The following NR1I2 variants were observed in gnomAD, a reference collection of about 807,000 sequenced individuals.
NR1I2 encodes orphan nuclear receptor PAR1.
NR1I2 carries 42 observed loss-of-function variants against 43.3 expected under a neutral mutation model. That is an observed-to-expected ratio of 0.97 (90% CI 0.76 to 1.26). The LOEUF (loss-of-function observed/expected upper bound fraction) is 1.26, where lower values mean the gene tolerates loss of function less well. Ranked by LOEUF, NR1I2 falls within the 50% of genes most tolerant of loss-of-function variation. The pLI is 0.00. For synonymous variants in NR1I2, 229 were observed against 215.0 expected (o/e 1.06, Z -0.57); for missense variants, 559 against 566.7 (o/e 0.99, Z 0.14).
intron 1 of NR1I2, chr3:119,782,730 G>A: frequency 6.4e-7 from 1 of 1,551,170 alleles, no homozygotes; most frequent in South Asian, 1.1e-5. Flanking sequence ...GTTAGTGCTG[G>A]CAGCCCCCTG....
chr3:119,810,363 G>C, intron 3 of NR1I2, 169 bp downstream of exon 3: 1 of 1,002,608 alleles, frequency 1.0e-6, no homozygotes, highest in Middle Eastern at 3.3e-4. Context: ...CTGGGGGAGC[G>C]CTTGCAGTCG....
In NR1I2 at chr3:119,815,127, C is replaced by T. The variant is rs554988730; in HGVS notation, c.937+6C>T. ...CTGCTTGGAAGACACTGCAGGTGCCCGAGAGAGCCTGCCTGCCCTGGCAGA... is the reference window on the plus strand; with the variant it reads ...CTGCTTGGAAGACACTGCAGGTGCCTGAGAGAGCCTGCCTGCCCTGGCAGA... On this transcript the variant is annotated splice_donor_region_variant and intron_variant, in intron 6 of 8. Coordinates refer to ENST00000393716, the MANE Select transcript of NR1I2 (RefSeq NM_003889.4). 57 of 1,614,050 alleles carry T rather than the reference C, an allele frequency of 3.5e-5. No homozygotes were observed. In the Middle Eastern group the frequency reaches 6.6e-4, roughly 19 times the overall value.
At chr3:119,809,007 G>A (rs1257080937) in intron 2 of NR1I2, among the ~76,000 whole-genome samples, 3 of 152,158 alleles carry the variant, frequency 2.0e-5, no homozygotes, top group Non-Finnish European at 4.4e-5. Flanking sequence ...CTGGTCACTG[G>A]TCCGAGGCCC....
Position 119,804,404 on chromosome 3 carries a change from A to C in NR1I2, c.-22-2825A>C, listed in dbSNP as rs1293519281. On this transcript the variant is annotated intron_variant, in intron 1 of 8. Coordinates refer to ENST00000393716, the MANE Select transcript of NR1I2 (RefSeq NM_003889.4). ...AATATATATATACATATATATTTAC[A>C]TTTAATATATTTACATTTAACTACC... Among the ~76,000 whole-genome samples, 3 of 149,636 alleles carry C rather than the reference A, an allele frequency of 2.0e-5. No homozygotes were observed. In the East Asian group the frequency reaches 5.9e-4, roughly 29 times the overall value.
intron 7 of NR1I2, 66 bp from the exon 8 acceptor site, chr3:119,815,658 CCT>C: frequency 7.1e-7 from 1 of 1,400,114 alleles, no homozygotes; most frequent in Non-Finnish European, 1.0e-6. Flanking sequence ...CGAGCAATGC[CCT>C]GACTCTGGGC....
At chr3:119,798,639 C>CAAAAAAAAAAAAAAAA (rs142013482) in intron 1 of NR1I2, among the ~76,000 whole-genome samples, 1 of 121,644 alleles carries the variant, frequency 8.2e-6, no homozygotes. Context: ...GACTCCGTCT[C>CAAAAAAAAAAAAAAAA]AAAAAAAAAA....
chr3:119,818,161 C>T lies in NR1I2; in HGVS notation c.*949C>T. 1.0e-6 allele frequency: 1 copy of T among 985,718 alleles called. No homozygotes were observed. Among genetic ancestry groups the T allele is most frequent in the Non-Finnish European group, 1.2e-6 (1 of 830,046 alleles). 61.1% of individuals were successfully genotyped at this position (985,718 alleles called of 1,614,324 possible). A position where few individuals can be genotyped will look rare whatever the true frequency, so the allele number is the denominator to read the frequency against. ...GATTTGGTGTAGGTAGGTCTGTTTG[C>T]CACTTGATGGGGCCTGGGTTTGTTC... On this transcript the variant is annotated 3_prime_UTR_variant, in exon 9 of 9. Coordinates refer to ENST00000393716, the MANE Select transcript of NR1I2 (RefSeq NM_003889.4).
chr3:119,793,905 T>A (rs559560412), intron 1 of NR1I2, among the ~76,000 whole-genome samples: 1 of 152,354 alleles, frequency 6.6e-6, no homozygotes, highest in African/African-American at 2.4e-5. Context: ...TTCTGTGATG[T>A]TGTTACTTGT....
chr3:119,788,658 G>A lies in NR1I2; in HGVS notation c.-23+6358G>A, dbSNP rs138868450. ...TCACTGTATTGCCCAGACTTGTCTC[G>A]AACTCCTGGCCTCAAATGATCCTCC... On this transcript the variant is annotated intron_variant, in intron 1 of 8. Coordinates refer to ENST00000393716, the MANE Select transcript of NR1I2 (RefSeq NM_003889.4). 5.8e-3 allele frequency among the ~76,000 whole-genome samples: 876 copies of A among 151,098 alleles called. 13 individuals carry two copies. The highest frequency in any genetic ancestry group is 0.02 in the African/African-American group (831 of 41,040).
intron 2 of NR1I2, among the ~76,000 whole-genome samples, chr3:119,809,021 G>A (rs1158624378): frequency 6.6e-6 from 1 of 152,156 alleles, no homozygotes; most frequent in Non-Finnish European, 1.5e-5. Flanking sequence ...GAGGCCCGAG[G>A]CCTCCAAGCT....
At chr3:119,806,190 C>T (rs1329250402) in intron 1 of NR1I2, among the ~76,000 whole-genome samples, 1 of 152,218 alleles carries the variant, frequency 6.6e-6, no homozygotes, top group Non-Finnish European at 1.5e-5. Flanking sequence ...TCCCCCATTT[C>T]TACTGAACAT....
intron 1 of NR1I2, among the ~76,000 whole-genome samples, chr3:119,794,888 A>AAG (rs2054975375): frequency 6.6e-6 from 1 of 152,246 alleles, no homozygotes; most frequent in African/African-American, 2.4e-5. Context: ...GCAGTGTGCC[A>AAG]AGATCGTGCC....
At chr3:119,786,473 A>G (rs1007726537) in intron 1 of NR1I2, among the ~76,000 whole-genome samples, 4 of 152,242 alleles carry the variant, frequency 2.6e-5, no homozygotes, top group Admixed American at 1.3e-4. Flanking sequence ...CAAATCCCTC[A>G]TGTAATGTTT....
intron 1 of NR1I2, among the ~76,000 whole-genome samples, chr3:119,786,406 A>G (rs995067319): frequency 3.3e-5 from 5 of 152,228 alleles, no homozygotes; most frequent in Admixed American, 2.6e-4. Context: ...AACCTCTTTG[A>G]AACATCGATA....
At chr3:119,794,916 G>A (rs1052174141) in intron 1 of NR1I2, among the ~76,000 whole-genome samples, 1 of 152,206 alleles carries the variant, frequency 6.6e-6, no homozygotes, top group Non-Finnish European at 1.5e-5. Flanking sequence ...TCCAGCCTGA[G>A]TGACAAGATT....
intron 1 of NR1I2, among the ~76,000 whole-genome samples, 162 bp downstream of exon 1, chr3:119,782,462 A>G (rs1247223237): frequency 6.6e-6 from 1 of 151,336 alleles, no homozygotes; most frequent in Non-Finnish European, 1.5e-5. Context: ...CTAGGGTGGA[A>G]AAAAAAAAGC....
At chr3:119,803,243 G>A (rs973002611) in intron 1 of NR1I2, among the ~76,000 whole-genome samples, 8 of 151,718 alleles carry the variant, frequency 5.3e-5, no homozygotes, top group African/African-American at 1.5e-4. Flanking sequence ...TTGGAGGATC[G>A]CTTGAGTCCA....
intron 6 of NR1I2, 53 bp from the exon 7 acceptor site, chr3:119,815,270 G>T: frequency 6.3e-7 from 1 of 1,577,728 alleles, no homozygotes; most frequent in South Asian, 1.1e-5. Flanking sequence ...GGGATGATTA[G>T]ATCTTGGTCA....
intron 1 of NR1I2, among the ~76,000 whole-genome samples, chr3:119,792,938 G>A (rs554231534): frequency 3.5e-4 from 54 of 152,198 alleles, no homozygotes; most frequent in Admixed American, 1.1e-3. Flanking sequence ...GGCCTAGTGG[G>A]AGGTGTTTGG....
Sources: gnomAD v4.1 joint callset for allele counts (sites outside exome capture counted in the v4.1 genomes callset) on GRCh38, gnomAD v4.1.1 for gene constraint, MANE v1.5 for transcripts, NCBI Gene and HGNC (gene_info 2026-07-23, HGNC 2026-07-21) for gene names.